Variants in DNAH17 observed in about 807,000 individuals in gnomAD.
DNAH17 encodes the protein axonemal beta dynein heavy chain 17.
A neutral mutation model predicts 485.6 loss-of-function variants in DNAH17; 376 were observed. The ratio of observed to expected loss-of-function variants is 0.77; its 90% CI spans 0.71 to 0.84. DNAH17 has a LOEUF of 0.84. Among genes scored for constraint, DNAH17 ranks in the 40% least tolerant of loss-of-function variants. DNAH17 has a pLI of 0.00. For synonymous variants in DNAH17, 3,031 were observed against 2,405.9 expected (o/e 1.26, Z -7.60); for missense variants, 6,370 against 5,839.3 (o/e 1.09, Z -2.96).
At chr17:78,482,829 A>T (rs1296433842) in intron 48 of DNAH17, among the ~76,000 whole-genome samples, 1 of 151,992 alleles carries the variant, frequency 6.6e-6, no homozygotes, top group African/African-American at 2.4e-5. Flanking sequence ...TCACTCTGCC[A>T]CCCCTCCTGA....
Position 78,530,632 on chromosome 17 carries a change from C to G in DNAH17, c.3115-120G>C, listed in dbSNP as rs534660665. 3 of 1,247,782 alleles carry G rather than the reference C, an allele frequency of 2.4e-6. No homozygotes were observed. The African/African-American group carries it at 4.5e-5, about 19-fold the overall frequency. The allele number at this position is 1,247,782 out of a possible 1,614,324, so 77.3% of individuals were successfully genotyped here. ...CTGCGCTGCTCACCTGCCGGCCACT[C>G]TGGGGCCAGGGTCAGCAAAGGGCAG... On this transcript the variant is annotated intron_variant, in intron 20 of 80. Coordinates refer to ENST00000389840, the MANE Select transcript of DNAH17 (RefSeq NM_173628.4).
At chr17:78,483,919 A>G (rs906499451) in intron 48 of DNAH17, among the ~76,000 whole-genome samples, 1 of 151,980 alleles carries the variant, frequency 6.6e-6, no homozygotes, top group Non-Finnish European at 1.5e-5. Context: ...CAACATGGCG[A>G]AACCCCTTCT....
rs566746938 is a variant in DNAH17, at chr17:78,423,936, C to T, written c.13359G>A (p.Leu4453=). ...CCTGTAGGAGCAGCGCCACGGCTGC[C>T]AGGATCCACTTCGCTGCCTTCTCTT... is the stretch of plus-strand genomic sequence containing the variant. The part of the protein sequence containing the change: ...KTKEKAAKWI[L]AAVALLLQV The change falls in exon 81 of 81, where the codon CTG becomes CTA. Residue 4453 remains leucine (L), a synonymous_variant. Transcript: ENST00000389840. 4 of 1,613,994 alleles carry T rather than the reference C, an allele frequency of 2.5e-6. No individual in the cohort carries two copies. Among genetic ancestry groups the T allele is most frequent in the South Asian group, 2.2e-5 (2 of 91,074 alleles).
chr17:78,539,891 A>G lies in DNAH17; in HGVS notation c.2533-11T>C. 6.4e-7 allele frequency: 1 copy of G among 1,564,522 alleles called. No individual in the cohort carries two copies. Reference sequence around the variant, plus strand: ...TAGTTCTGCGTTTTCCTGCAAACAGAAGCGCACAGTTGGGCCTCACTTCAC... The same window carrying G: ...TAGTTCTGCGTTTTCCTGCAAACAGGAGCGCACAGTTGGGCCTCACTTCAC... On this transcript the variant is annotated splice_polypyrimidine_tract_variant and intron_variant, in intron 17 of 80. Transcript: ENST00000389840.
chr17:78,571,152 G>C lies in DNAH17; in HGVS notation c.833-119C>G, dbSNP rs565516731. 6 of 1,271,882 alleles carry C rather than the reference G, an allele frequency of 4.7e-6. No homozygotes were observed. In the South Asian group the frequency reaches 7.7e-5, roughly 16 times the overall value. 78.8% of individuals were successfully genotyped at this position (1,271,882 alleles called of 1,614,324 possible). A position where few individuals can be genotyped will look rare whatever the true frequency, so the allele number is the denominator to read the frequency against. ...TCAGGAAATGGGGCCTTTCTCAAGT[G>C]GAGGGGGCTGAGAAAGCTGCTCGCA... is the stretch of plus-strand genomic sequence containing the variant. On this transcript the variant is annotated intron_variant, in intron 5 of 80. Transcript: ENST00000389840.
intron 24 of DNAH17, among the ~76,000 whole-genome samples, chr17:78,526,114 G>C (rs2091063928): frequency 6.6e-6 from 1 of 152,260 alleles, no homozygotes; most frequent in African/African-American, 2.4e-5. Flanking sequence ...TTTTGGGCCT[G>C]AGCTTGAGTG....
intron 16 of DNAH17, among the ~76,000 whole-genome samples, chr17:78,550,985 G>A (rs1180279909): frequency 6.6e-6 from 1 of 152,194 alleles, no homozygotes; most frequent in East Asian, 1.9e-4. Context: ...TTGGGAAGCT[G>A]AGACAGGCGG....
At chr17:78,463,183 G>T in intron 56 of DNAH17, 106 bp from the exon 57 acceptor site, 1 of 987,392 alleles carries the variant, frequency 1.0e-6, no homozygotes, top group Non-Finnish European at 1.5e-6. Flanking sequence ...CCCTGAGACC[G>T]CTCTCAACCT....
chr17:78,425,596 G>GAGGAGAGGAC (rs1370923464), intron 79 of DNAH17, 25 bp from the exon 80 acceptor site: 1 of 1,578,862 alleles, frequency 6.3e-7, no homozygotes, highest in Admixed American at 1.8e-5. Flanking sequence ...GAGCCGCTAG[G>GAGGAGAGGAC]AGGAGAGGAC....
At chr17:78,459,359 C>T (rs1022434044) in intron 60 of DNAH17, among the ~76,000 whole-genome samples, 151 bp from the exon 61 acceptor site, 1 of 152,192 alleles carries the variant, frequency 6.6e-6, no homozygotes, top group Non-Finnish European at 1.5e-5. Context: ...AGGCCACCCC[C>T]CACCGGCTCT....
chr17:78,519,347 AAAGAG>A (rs1366459832), intron 25 of DNAH17, among the ~76,000 whole-genome samples: 1 of 152,146 alleles, frequency 6.6e-6, no homozygotes, highest in Non-Finnish European at 1.5e-5. Flanking sequence ...TTCCTTTAGA[AAAGAG>A]AAAAGGTCTC....
chr17:78,483,208 C>A (rs1215215057), intron 48 of DNAH17, among the ~76,000 whole-genome samples: 2 of 152,254 alleles, frequency 1.3e-5, no homozygotes, highest in Admixed American at 6.5e-5. Flanking sequence ...CCCCAGGGAG[C>A]CACCTCTGAT....
rs370616045 is a variant in DNAH17, at chr17:78,444,401, G to A, written c.11528+203C>T. Among the ~76,000 whole-genome samples the A allele has an allele frequency of 3.3e-5, 5 of 152,320 alleles. 1 individual carries two copies. The highest frequency in any genetic ancestry group is 2.4e-5 in the African/African-American group (1 of 41,590). ...AGGACTGGAGTCCGCAGCCTGGGGT[G>A]GAATCCTGCCTCTGTCCTCGAAGAA... On this transcript the variant is annotated intron_variant, in intron 71 of 80. Coordinates refer to ENST00000389840, the MANE Select transcript of DNAH17 (RefSeq NM_173628.4).
At chr17:78,432,663 C>T (rs2086716575) in intron 75 of DNAH17, among the ~76,000 whole-genome samples, 1 of 152,212 alleles carries the variant, frequency 6.6e-6, no homozygotes. Context: ...GGGGCCTTCT[C>T]AGGACACCCA....
rs771764728 is a variant in DNAH17 at position 78,506,703 on chromosome 17, C to T, written c.4803+17G>A. ...TGATGTTGGCTTAAACACCGGAATG[C>T]AAGGGGCCCCGCCTACCTCCACGGG... On this transcript the variant is annotated intron_variant, in intron 30 of 80. Coordinates refer to ENST00000389840, the MANE Select transcript of DNAH17 (RefSeq NM_173628.4). 6.8e-6 allele frequency: 11 copies of T among 1,613,504 alleles called. No individual in the cohort carries two copies. The African/African-American group carries it at 1.5e-4, about 22-fold the overall frequency.
At chr17:78,511,836 A>G (rs1196820790) in intron 26 of DNAH17, among the ~76,000 whole-genome samples, 15 of 152,182 alleles carry the variant, frequency 9.9e-5, no homozygotes, top group Admixed American at 8.5e-4. Context: ...TCACCGCCCA[A>G]GCGTCTCTCC....
rs2087449384 is a variant in DNAH17, at chr17:78,449,401, G to A, written c.11211+13C>T. 1 of 1,547,222 alleles carries A rather than the reference G, an allele frequency of 6.5e-7. No homozygotes were observed. Among genetic ancestry groups the A allele is most frequent in the Non-Finnish European group, 8.7e-7 (1 of 1,144,500 alleles). ...CCACGGACCACACTAGGAACAGTGA[G>A]GCTAGACATTACCTGAAACGTAACT... On this transcript the variant is annotated intron_variant, in intron 69 of 80. Coordinates refer to ENST00000389840, the MANE Select transcript of DNAH17 (RefSeq NM_173628.4).
rs537085638 is a variant in DNAH17, at chr17:78,450,788, G to A, written c.10793C>T (p.Ser3598Leu). ...FKIVLKELED[S>L]LLARLSAASG... Reference sequence around the variant, plus strand: ...CGCAGCCGACAGACGGGCCAGGAGCGAATCTTCCAGCTCTTTCAGAACAAT... The same window carrying A: ...CGCAGCCGACAGACGGGCCAGGAGCAAATCTTCCAGCTCTTTCAGAACAAT... The change falls in exon 67 of 81, where the codon TCG (serine) becomes TTG (leucine). Residue 3598 changes from serine to leucine, a missense_variant. Physicochemically the swap from Ser to Leu is moderately radical, Grantham distance 145. Coordinates refer to ENST00000389840, the MANE Select transcript of DNAH17 (RefSeq NM_173628.4). 5.1e-5 allele frequency: 83 copies of A among 1,614,070 alleles called. No individual in the cohort carries two copies. The highest frequency in any genetic ancestry group is 1.7e-4 in the Middle Eastern group (1 of 6,060).
rs770393788 is a variant in DNAH17, at chr17:78,570,399, T to A, written c.919-27A>T. On this transcript the variant is annotated intron_variant, in intron 6 of 80. Transcript: ENST00000389840. ...TGGGGGGAGACAGGCCCAGGCACAC[T>A]GGAGGGGACTGGCCGCTGCACCTTA... 4.4e-5 allele frequency: 70 copies of A among 1,601,566 alleles called. No individual in the cohort carries two copies. In the East Asian group the frequency reaches 1.5e-3, roughly 34 times the overall value.
Sources: gnomAD v4.1 joint callset for allele counts (sites outside exome capture counted in the v4.1 genomes callset) on GRCh38, gnomAD v4.1.1 for gene constraint, MANE v1.5 for transcripts, NCBI Gene and HGNC (gene_info 2026-07-23, HGNC 2026-07-21) for gene names.